The following CGNL1 variants were observed in gnomAD, a reference collection of about 807,000 sequenced individuals.
CGNL1 encodes the protein cingulin-like protein 1.
A neutral mutation model predicts 141.2 loss-of-function variants in CGNL1; 132 were observed. That is an observed-to-expected ratio of 0.93 (90% confidence interval 0.81 to 1.08). The LOEUF (loss-of-function observed/expected upper bound fraction) is 1.08, where lower values mean the gene tolerates loss of function less well. CGNL1 is among the 50% of genes least tolerant of loss of function. The pLI, the probability that CGNL1 is intolerant of heterozygous loss-of-function variation, is 0.00. For synonymous variants in CGNL1, 690 were observed against 622.1 expected (o/e 1.11, Z -1.63); for missense variants, 1,870 against 1,588.6 (o/e 1.18, Z -3.01).
Position 57,452,293 on chromosome 15 carries a change from A to T in CGNL1, c.2054+4A>T. The T allele has an allele frequency of 6.2e-7, 1 of 1,611,834 alleles. No individual in the cohort carries two copies. Among genetic ancestry groups the T allele is most frequent in the Non-Finnish European group, 8.5e-7 (1 of 1,179,048 alleles). ...AGCTCCGGAAGAATCTGGAGGAGTAAGTTCTGGGCTGAGAGCCTGTTGCCC... is the reference window on the plus strand; with the variant it reads ...AGCTCCGGAAGAATCTGGAGGAGTATGTTCTGGGCTGAGAGCCTGTTGCCC... On this transcript the variant is annotated splice_donor_region_variant and intron_variant, in intron 6 of 18. Transcript: ENST00000281282.
At chr15:57,389,687 C>T (rs1382666673) in intron 1 of CGNL1, among the ~76,000 whole-genome samples, 1 of 152,180 alleles carries the variant, frequency 6.6e-6, no homozygotes, top group African/African-American at 2.4e-5. Context: ...TTAACATAAG[C>T]GTAAATATTT....
chr15:57,417,002 T>C (rs1216254908), intron 1 of CGNL1, among the ~76,000 whole-genome samples: 1 of 152,146 alleles, frequency 6.6e-6, no homozygotes, highest in Non-Finnish European at 1.5e-5. Flanking sequence ...TTCTGCTCTA[T>C]CTGGGTGACC....
At chr15:57,420,679 G>A (rs2062904572) in intron 1 of CGNL1, among the ~76,000 whole-genome samples, 1 of 152,130 alleles carries the variant, frequency 6.6e-6, no homozygotes, top group African/African-American at 2.4e-5. Flanking sequence ...GAGTTATTTA[G>A]TTCAGCATGT....
chr15:57,400,887 T>TAAAAAAAAAA (rs35735890), intron 1 of CGNL1, among the ~76,000 whole-genome samples: 2 of 77,896 alleles, frequency 2.6e-5, no homozygotes, highest in African/African-American at 5.1e-5. Flanking sequence ...TGTCTCAAAT[T>TAAAAAAAAAA]AAAAAAAAAA....
At chr15:57,534,634 G>A (rs1401278948) in intron 14 of CGNL1, among the ~76,000 whole-genome samples, 12 of 152,188 alleles carry the variant, frequency 7.9e-5, no homozygotes, top group African/African-American at 2.9e-4. Context: ...CTTTCCTGCT[G>A]AAATCAAAGC....
rs1318971759 is a variant in CGNL1 at position 57,438,774 on chromosome 15, G to A, written c.775G>A (p.Ala259Thr). 3 of 1,614,170 alleles carry A rather than the reference G, an allele frequency of 1.9e-6. No homozygotes were observed. The highest frequency in any genetic ancestry group is 1.1e-5 in the South Asian group (1 of 91,080). Residue 259 changes from alanine to threonine, a missense_variant, in exon 2 of 19, where the codon GCC becomes ACC. Ala to Thr is a moderately conservative substitution (Grantham distance 58). Coordinates refer to ENST00000281282, the MANE Select transcript of CGNL1 (RefSeq NM_032866.5). Reference sequence around the variant, plus strand: ...TTTCACTAGCGGGAGGCCCCTGACTGCCCACAGCCCACATGCCCACCCTGA... The same window carrying A: ...TTTCACTAGCGGGAGGCCCCTGACTACCCACAGCCCACATGCCCACCCTGA... Reference protein sequence around the residue: ...ALFTSGRPLTAHSPHAHPETK... With the variant: ...ALFTSGRPLTTHSPHAHPETK...
intron 7 of CGNL1, among the ~76,000 whole-genome samples, chr15:57,459,040 A>T (rs1478584598): frequency 1.3e-5 from 2 of 152,344 alleles, no homozygotes; most frequent in East Asian, 3.9e-4. Context: ...ACTTAAATCA[A>T]TAAAATGTTT....
In CGNL1 at chr15:57,506,739, C is replaced by A. The variant is rs146122033; in HGVS notation, c.2404-10041C>A. ...GGGTGTGTGACTGTTGTCTACCCAACCTTAATGTATTGTGGTCATTGACTG... is the reference window on the plus strand; with the variant it reads ...GGGTGTGTGACTGTTGTCTACCCAAACTTAATGTATTGTGGTCATTGACTG... On this transcript the variant is annotated intron_variant, in intron 8 of 18. Transcript: ENST00000281282. Among the ~76,000 whole-genome samples the A allele has an allele frequency of 8.7e-4, 133 of 152,294 alleles. 1 individual carries two copies. Among genetic ancestry groups the A allele is most frequent in the African/African-American group, 2.5e-3 (102 of 41,554 alleles).
intron 1 of CGNL1, among the ~76,000 whole-genome samples, chr15:57,421,049 G>A (rs1424620150): frequency 3.3e-5 from 5 of 152,186 alleles, no homozygotes; most frequent in African/African-American, 9.7e-5. Context: ...GTTAGATTAG[G>A]TCATGAGGAT....
At chr15:57,382,755 A>G (rs2062437937) in intron 1 of CGNL1, among the ~76,000 whole-genome samples, 1 of 152,192 alleles carries the variant, frequency 6.6e-6, no homozygotes, top group Admixed American at 6.5e-5. Context: ...GACTGTGACC[A>G]GGACTATCCA....
intron 1 of CGNL1, among the ~76,000 whole-genome samples, chr15:57,425,082 A>C (rs1171466330): frequency 1.3e-5 from 2 of 152,206 alleles, no homozygotes; most frequent in African/African-American, 4.8e-5. Flanking sequence ...AGGCATCTTT[A>C]CATTATACAG....
intron 1 of CGNL1, among the ~76,000 whole-genome samples, chr15:57,424,770 G>T (rs1197502813): frequency 6.6e-6 from 1 of 152,206 alleles, no homozygotes; most frequent in Non-Finnish European, 1.5e-5. Flanking sequence ...ATAAAAAAAG[G>T]TGGTAGAAAA....
At chr15:57,433,690 G>A (rs1306986937) in intron 1 of CGNL1, among the ~76,000 whole-genome samples, 3 of 152,194 alleles carry the variant, frequency 2.0e-5, no homozygotes, top group Non-Finnish European at 2.9e-5. Flanking sequence ...CAGCAGCCTG[G>A]AGGTCTGTTC....
intron 3 of CGNL1, among the ~76,000 whole-genome samples, chr15:57,442,120 C>T (rs1274297137): frequency 7.0e-6 from 1 of 142,044 alleles, no homozygotes; most frequent in African/African-American, 2.6e-5. Context: ...TGTTTATGTG[C>T]CTCTCACATA....
intron 1 of CGNL1, among the ~76,000 whole-genome samples, chr15:57,432,152 C>G (rs771764417): frequency 5.9e-5 from 9 of 152,218 alleles, no homozygotes; most frequent in Non-Finnish European, 1.2e-4. Context: ...CTGATGGGGA[C>G]TCTTGTCCTT....
intron 8 of CGNL1, among the ~76,000 whole-genome samples, chr15:57,476,198 T>C (rs546420105): frequency 6.6e-6 from 1 of 152,188 alleles, no homozygotes; most frequent in South Asian, 2.1e-4. Flanking sequence ...AGGGTGACTT[T>C]GCTCCGTGTA....
intron 1 of CGNL1, among the ~76,000 whole-genome samples, chr15:57,415,329 A>G (rs761167452): frequency 6.6e-5 from 10 of 152,210 alleles, no homozygotes; most frequent in African/African-American, 2.2e-4. Context: ...TAGGATAATC[A>G]CAAGAGTCCT....
In CGNL1 at chr15:57,521,455, T is replaced by C. The variant is rs1210414117; in HGVS notation, c.2716-2034T>C. On this transcript the variant is annotated intron_variant, in intron 10 of 18. Transcript: ENST00000281282. ...GAAGCCTTGGGATCACTTTTGGGGA[T>C]AGGCATTCATTTTTAATAGCTAAGT... is the stretch of plus-strand genomic sequence containing the variant. Among the ~76,000 whole-genome samples the C allele has an allele frequency of 2.6e-5, 4 of 152,200 alleles. 1 individual carries two copies. The East Asian group carries it at 7.7e-4, about 29-fold the overall frequency.
chr15:57,378,509 G>C (rs2062391839), intron 1 of CGNL1, among the ~76,000 whole-genome samples: 1 of 150,886 alleles, frequency 6.6e-6, no homozygotes, highest in African/African-American at 2.4e-5. Context: ...AGCCTCCCAA[G>C]TAGCTGGGAT....
Sources: gnomAD v4.1 joint callset for allele counts (sites outside exome capture counted in the v4.1 genomes callset) on GRCh38, gnomAD v4.1.1 for gene constraint, MANE v1.5 for transcripts, NCBI Gene and HGNC (gene_info 2026-07-23, HGNC 2026-07-21) for gene names.